The following EXOC4 variants were observed in gnomAD, a reference collection of about 807,000 sequenced individuals.
The protein encoded by EXOC4 is exocyst complex component 4.
In EXOC4, 71 loss-of-function variants were observed where a neutral mutation model predicts 107.2. That is an observed-to-expected ratio of 0.66 (90% CI 0.55 to 0.81). The LOEUF (loss-of-function observed/expected upper bound fraction) is 0.81. EXOC4 is among the 30% of genes least tolerant of loss of function. The pLI is 0.00. For missense variants in EXOC4, 1,108 were observed against 1,189.6 expected, an observed-to-expected ratio of 0.93 and a Z score of 1.01; for synonymous variants, 456 against 441.2, an observed-to-expected ratio of 1.03 and a Z score of -0.42.
chr7:133,339,942 A>G (rs1018487253), intron 5 of EXOC4, among the ~76,000 whole-genome samples: 4 of 152,150 alleles, frequency 2.6e-5, no homozygotes, highest in African/African-American at 9.7e-5. Flanking sequence ...TGTGATCATC[A>G]TATCATTGGT....
At chr7:133,406,279 C>T (rs1797217693) in intron 7 of EXOC4, among the ~76,000 whole-genome samples, 1 of 152,202 alleles carries the variant, frequency 6.6e-6, no homozygotes, top group Non-Finnish European at 1.5e-5. Context: ...TACTGCACTA[C>T]ATCCATGGGC....
intron 10 of EXOC4, among the ~76,000 whole-genome samples, chr7:133,680,052 A>G (rs1794154103): frequency 6.6e-6 from 1 of 152,178 alleles, no homozygotes; most frequent in South Asian, 2.1e-4. Context: ...TTTATTCTTC[A>G]TCATAATCCC....
intron 5 of EXOC4, among the ~76,000 whole-genome samples, chr7:133,337,190 C>T (rs1449419474): frequency 5.9e-5 from 9 of 151,990 alleles, no homozygotes; most frequent in Non-Finnish European, 1.3e-4. Context: ...AGTATTTTTG[C>T]ATTGATGTTT....
intron 15 of EXOC4, among the ~76,000 whole-genome samples, chr7:133,998,093 G>A (rs569304925): frequency 6.6e-6 from 1 of 152,278 alleles, no homozygotes; most frequent in African/African-American, 2.4e-5. Context: ...TGCTCTGCTA[G>A]TCAAGAAGGG....
intron 7 of EXOC4, among the ~76,000 whole-genome samples, chr7:133,401,925 G>A (rs1398069882): frequency 6.6e-6 from 1 of 152,062 alleles, no homozygotes; most frequent in Non-Finnish European, 1.5e-5. Flanking sequence ...CACATTAACT[G>A]TGCCTTCACT....
chr7:133,649,465 T>TTTTC (rs1230801140), intron 10 of EXOC4, among the ~76,000 whole-genome samples: 21 of 67,842 alleles, frequency 3.1e-4, no homozygotes, highest in African/African-American at 9.8e-4. Context: ...TTACTACTTT[T>TTTTC]TCTTTTTTTT....
chr7:134,099,926 C>T, the EXOC4 span, among the ~76,000 whole-genome samples: 56 of 152,078 alleles, frequency 3.7e-4, no homozygotes, highest in Admixed American at 9.8e-4. Context: ...AGGCTGGTCT[C>T]GAACTGCTGA....
At chr7:133,697,456 A>G (rs1794561002) in intron 10 of EXOC4, among the ~76,000 whole-genome samples, 1 of 152,236 alleles carries the variant, frequency 6.6e-6, no homozygotes. Context: ...GAAAGCCACA[A>G]AACGAGTTAA....
chr7:133,711,170 A>G (rs758030816), intron 10 of EXOC4, among the ~76,000 whole-genome samples: 20 of 152,250 alleles, frequency 1.3e-4, no homozygotes, highest in Non-Finnish European at 2.2e-4. Context: ...ACAAATGCTC[A>G]ATTATTCACC....
intron 3 of EXOC4, among the ~76,000 whole-genome samples, chr7:133,291,385 T>A (rs1794401275): frequency 6.8e-6 from 1 of 146,166 alleles, no homozygotes; most frequent in Non-Finnish European, 1.5e-5. Flanking sequence ...GTTATGTGAT[T>A]TTTTTTTTTT....
the EXOC4 span, among the ~76,000 whole-genome samples, chr7:134,083,255 A>T: frequency 2.0e-5 from 3 of 152,238 alleles, no homozygotes; most frequent in South Asian, 6.2e-4. Flanking sequence ...CACCAGCAGG[A>T]CACCCTAAGA....
chr7:133,577,880 A>G (rs544403445), intron 9 of EXOC4, among the ~76,000 whole-genome samples: 126 of 152,326 alleles, frequency 8.3e-4, no homozygotes, highest in African/African-American at 3.0e-3. Context: ...CAGAAAAGAA[A>G]CCAAAATGGA....
At chr7:133,517,644 G>A (rs1245947609) in intron 9 of EXOC4, among the ~76,000 whole-genome samples, 5 of 152,030 alleles carry the variant, frequency 3.3e-5, no homozygotes, top group Non-Finnish European at 7.4e-5. Context: ...GATCTTGCGA[G>A]ACTTATTCAC....
intron 9 of EXOC4, among the ~76,000 whole-genome samples, chr7:133,527,142 G>A (rs1311745402): frequency 2.6e-5 from 4 of 152,050 alleles, no homozygotes; most frequent in African/African-American, 4.8e-5. Flanking sequence ...AGTGGTTCAC[G>A]CCTGTAATCC....
At chr7:133,737,946 C>T (rs1254309083) in intron 10 of EXOC4, among the ~76,000 whole-genome samples, 3 of 87,554 alleles carry the variant, frequency 3.4e-5, no homozygotes, top group Non-Finnish European at 6.1e-5. Flanking sequence ...GGGTCTTGCT[C>T]TGTTGCTTAG....
intron 14 of EXOC4, among the ~76,000 whole-genome samples, chr7:133,986,775 C>G (rs796391855): frequency 6.6e-6 from 1 of 152,162 alleles, no homozygotes; most frequent in African/African-American, 2.4e-5. Flanking sequence ...AATGTAGGGA[C>G]AGTAGTACAG....
chr7:133,660,360 T>C (rs1034853254), intron 10 of EXOC4, among the ~76,000 whole-genome samples: 1 of 152,096 alleles, frequency 6.6e-6, no homozygotes, highest in Non-Finnish European at 1.5e-5. Context: ...TAAGGGGAAT[T>C]GTTGAGGCAT....
chr7:133,718,620 C>T (rs1245470190), intron 10 of EXOC4, among the ~76,000 whole-genome samples: 1 of 152,160 alleles, frequency 6.6e-6, no homozygotes, highest in African/African-American at 2.4e-5. Flanking sequence ...CTTCCCCACT[C>T]ACTGGCTATG....
At chr7:133,275,885 A>G (rs1039104204) in intron 2 of EXOC4, among the ~76,000 whole-genome samples, 2 of 151,696 alleles carry the variant, frequency 1.3e-5, no homozygotes, top group African/African-American at 4.8e-5. Flanking sequence ...GCATCACTGA[A>G]GCCTTGAATT....
Sources: allele counts gnomAD v4.1 joint callset (sites outside exome capture counted in the v4.1 genomes callset), GRCh38; gene constraint gnomAD v4.1.1; transcripts MANE v1.5; gene names NCBI Gene and HGNC (gene_info 2026-07-23, HGNC 2026-07-21).